C10orf67: variants seen among roughly 807,000 people sequenced by gnomAD.
The protein encoded by C10orf67 is chromosome 10 open reading frame 67.
C10orf67 carries 60 observed loss-of-function variants against 35.6 expected under a neutral mutation model. That is an observed-to-expected ratio of 1.68 (90% confidence interval 1.37 to 2.09). The LOEUF (loss-of-function observed/expected upper bound fraction) is 2.09. Ranked by LOEUF, C10orf67 falls within the 30% of genes most tolerant of loss-of-function variation. C10orf67 has a pLI of 0.00. For missense variants in C10orf67, 474 were observed against 330.2 expected, an observed-to-expected ratio of 1.44 and a Z score of -3.38; for synonymous variants, 167 against 115.8, an observed-to-expected ratio of 1.44 and a Z score of -2.84.
intron 15 of C10orf67, among the ~76,000 whole-genome samples, chr10:23,223,110 C>T: frequency 6.6e-6 from 1 of 151,908 alleles, no homozygotes; most frequent in Non-Finnish European, 1.5e-5. Flanking sequence ...GACAAGGTCT[C>T]ACTCTGTCAC....
chr10:23,295,874 T>C (rs1843865923), intron 5 of C10orf67, among the ~76,000 whole-genome samples: 1 of 152,240 alleles, frequency 6.6e-6, no homozygotes, highest in African/African-American at 2.4e-5. Context: ...ATTGACACAA[T>C]GCTGTATTGC....
intron 8 of C10orf67, among the ~76,000 whole-genome samples, chr10:23,281,656 T>TA (rs1843371396): frequency 6.6e-6 from 1 of 152,240 alleles, no homozygotes; most frequent in Non-Finnish European, 1.5e-5. Flanking sequence ...GCTCTTTTTT[T>TA]ATTGTCACTT....
intron 5 of C10orf67, among the ~76,000 whole-genome samples, chr10:23,297,660 G>C (rs1320750516): frequency 6.6e-6 from 1 of 152,180 alleles, no homozygotes; most frequent in Non-Finnish European, 1.5e-5. Flanking sequence ...ACCTCTAAAA[G>C]GTCCCCCTGA....
intron 1 of C10orf67, among the ~76,000 whole-genome samples, chr10:23,336,590 C>T (rs1161346805): frequency 2.0e-5 from 3 of 152,172 alleles, no homozygotes; most frequent in African/African-American, 7.2e-5. Flanking sequence ...TCTCAGCTCA[C>T]TGCAATCTCT....
chr10:23,238,240 A>G (rs1564466583), intron 13 of C10orf67, among the ~76,000 whole-genome samples: 3 of 152,220 alleles, frequency 2.0e-5, no homozygotes, highest in South Asian at 4.1e-4. Flanking sequence ...AGAGGGAACC[A>G]AGGGACAGTG....
intron 9 of C10orf67, 94 bp from the exon 10 acceptor site, chr10:23,266,520 A>G (rs1211750521): frequency 2.5e-6 from 1 of 397,060 alleles, no homozygotes; most frequent in Non-Finnish European, 4.4e-6. Flanking sequence ...CTGAGCTGGA[A>G]TTGCAGAACT....
At chr10:23,252,996 G>T (rs1842500463) in intron 10 of C10orf67, among the ~76,000 whole-genome samples, 1 of 152,056 alleles carries the variant, frequency 6.6e-6, no homozygotes, top group African/African-American at 2.4e-5. Flanking sequence ...AGATCTGATG[G>T]TTTTAAAAAT....
intron 12 of C10orf67, among the ~76,000 whole-genome samples, chr10:23,246,828 T>C (rs896940111): frequency 1.3e-5 from 2 of 152,020 alleles, no homozygotes; most frequent in East Asian, 3.9e-4. Context: ...AGGAAAAAAT[T>C]ATATAAGTAT....
intron 13 of C10orf67, among the ~76,000 whole-genome samples, chr10:23,237,228 T>C (rs1261727145): frequency 2.6e-5 from 4 of 152,222 alleles, no homozygotes; most frequent in Non-Finnish European, 5.9e-5. Context: ...TCTTTTTTTA[T>C]GGCTGCGTCA....
At chr10:23,314,992 T>C (rs774988142) in intron 4 of C10orf67, among the ~76,000 whole-genome samples, 1 of 152,234 alleles carries the variant, frequency 6.6e-6, no homozygotes, top group African/African-American at 2.4e-5. Flanking sequence ...GAGTCATTTA[T>C]ACTTGTCAAT....
intron 15 of C10orf67, among the ~76,000 whole-genome samples, chr10:23,205,896 T>A (rs4144623): frequency 0.098 from 14,855 of 152,244 alleles, 1,733 homozygotes; most frequent in East Asian, 0.67. Flanking sequence ...GATGTAAATA[T>A]CCTTAAAAGA....
Position 23,223,756 on chromosome 10 carries a change from A to T in C10orf67, c.1497T>A (p.His499Gln), listed in dbSNP as rs1334694605. The change falls in exon 14 of 16, where the codon CAT (histidine) becomes CAA (glutamine). Residue 499 changes from histidine to glutamine, a missense_variant. By Grantham distance (24) the His-to-Gln change is conservative. Transcript: ENST00000636213. ...ATAAGCTACTTACTGAAGATGTACA[A>T]TGACTTGAAGAGGATATAGCTGTCA... is the stretch of plus-strand genomic sequence containing the variant. ...TTMTAISSSS[H>Q]CTSSIDGKHV... 1.4e-6 allele frequency: 1 copy of T among 715,864 alleles called. No individual in the cohort carries two copies. 44.3% of individuals were successfully genotyped at this position (715,864 alleles called of 1,614,324 possible).
intron 4 of C10orf67, among the ~76,000 whole-genome samples, chr10:23,316,034 C>A (rs925378140): frequency 6.6e-6 from 1 of 151,846 alleles, no homozygotes; most frequent in South Asian, 2.1e-4. Flanking sequence ...TGGTCAGTGG[C>A]ACTTTTGCCT....
chr10:23,239,594 A>G (rs1437216448), intron 13 of C10orf67, 135 bp downstream of exon 13: 4 of 470,156 alleles, frequency 8.5e-6, no homozygotes, highest in Non-Finnish European at 1.6e-5. Flanking sequence ...CACCCTCAGC[A>G]TCTAGCAGTG....
intron 12 of C10orf67, among the ~76,000 whole-genome samples, chr10:23,250,137 T>C (rs1254365264): frequency 6.6e-6 from 1 of 152,174 alleles, no homozygotes; most frequent in East Asian, 1.9e-4. Flanking sequence ...TGTGTGCAAA[T>C]GAGCAGGAAA....
intron 6 of C10orf67, among the ~76,000 whole-genome samples, chr10:23,290,765 G>A (rs990282159): frequency 3.9e-5 from 6 of 152,172 alleles, no homozygotes; most frequent in Non-Finnish European, 7.4e-5. Context: ...GTATTCTTAA[G>A]TTTTTAAATG....
At chr10:23,283,003 C>A (rs1421112690) in intron 7 of C10orf67, among the ~76,000 whole-genome samples, 1 of 151,144 alleles carries the variant, frequency 6.6e-6, no homozygotes, top group Non-Finnish European at 1.5e-5. Flanking sequence ...TATTTGATAG[C>A]ACAACAGGGT....
chr10:23,213,704 A>G (rs975609500), intron 15 of C10orf67, among the ~76,000 whole-genome samples: 1 of 152,232 alleles, frequency 6.6e-6, no homozygotes, highest in Non-Finnish European at 1.5e-5. Context: ...ATAAAAGAAA[A>G]GAAACACAGC....
At chr10:23,321,399 A>G (rs1478547740) in intron 3 of C10orf67, among the ~76,000 whole-genome samples, 1 of 152,222 alleles carries the variant, frequency 6.6e-6, no homozygotes, top group Non-Finnish European at 1.5e-5. Flanking sequence ...TTTTGTAGAG[A>G]TGGGGTATTG....
Sources: gnomAD v4.1 joint callset for allele counts (sites outside exome capture counted in the v4.1 genomes callset) on GRCh38, gnomAD v4.1.1 for gene constraint, MANE v1.5 for transcripts, NCBI Gene and HGNC (gene_info 2026-07-23, HGNC 2026-07-21) for gene names.